The following PAX9 variants were observed in gnomAD, a reference collection of about 807,000 sequenced individuals.
PAX9 encodes the protein paired box 9.
Under a neutral mutation model 29.1 loss-of-function variants are expected in PAX9, and 6 were observed. The observed-to-expected ratio is 0.21, with a 90% CI of 0.11 to 0.41. The LOEUF is 0.41. Ranked by LOEUF, PAX9 falls within the 10% of genes least tolerant of loss-of-function variation. PAX9 has a pLI of 1.00. For synonymous variants in PAX9, 217 were observed against 211.7 expected (o/e 1.03, Z -0.22); for missense variants, 443 against 479.1 (o/e 0.92, Z 0.70).
intron 3 of PAX9, among the ~76,000 whole-genome samples, chr14:36,669,970 G>T (rs17104923): frequency 0.044 from 6,734 of 151,896 alleles, 194 homozygotes; most frequent in African/African-American, 0.077. Context: ...CCTGATGGCC[G>T]GTTCTCTTCT....
chr14:36,679,018 A>G lies in PAX9; in HGVS notation c.*2566A>G, dbSNP rs775337481. 7.8e-4 allele frequency: 769 copies of G among 984,840 alleles called. 2 individuals are homozygous for G. The highest frequency in any genetic ancestry group is 8.6e-4 in the Non-Finnish European group (714 of 829,770). The allele number at this position is 984,840 out of a possible 1,614,324, so 61.0% of individuals were successfully genotyped here. A position where few individuals can be genotyped will look rare whatever the true frequency, so the allele number is the denominator to read the frequency against. On this transcript the variant is annotated 3_prime_UTR_variant, in exon 4 of 4. Transcript: ENST00000361487. ...TAGATGGTAAAAGTGTTGCTTTTAA[A>G]CTGGCAAATGCACTCTTCAGAAATC...
At position 36,672,986 on chromosome 14, in the gene PAX9, C is replaced by T. The variant is rs1342264880; in HGVS notation, c.772-3212C>T. 2.0e-5 allele frequency among the ~76,000 whole-genome samples: 3 copies of T among 148,640 alleles called. No individual in the cohort carries two copies. In the East Asian group the frequency reaches 6.3e-4, roughly 31 times the overall value. Reference sequence around the variant, plus strand: ...GTTCAAGCAATTTTCCTGCCTCAGACTCCCAAGTAGCTGGGATTACAGGCA... The same window carrying T: ...GTTCAAGCAATTTTCCTGCCTCAGATTCCCAAGTAGCTGGGATTACAGGCA... On this transcript the variant is annotated intron_variant, in intron 3 of 3. Coordinates refer to ENST00000361487, the MANE Select transcript of PAX9 (RefSeq NM_001372076.1).
chr14:36,657,792 T>G (rs999769541), upstream of PAX9: 18 of 152,286 alleles, frequency 1.2e-4, no homozygotes, highest in Non-Finnish European at 2.6e-4. Flanking sequence ...GTGGAGAGGC[T>G]GCCGGGCTAT....
chr14:36,667,340 C>A (rs7149262), intron 3 of PAX9, among the ~76,000 whole-genome samples: 23,658 of 151,828 alleles, frequency 0.16, 2,446 homozygotes, highest in East Asian at 0.3. Flanking sequence ...ATTTTCCCCC[C>A]GAGAAAAGCT....
chr14:36,673,052 G>C (rs75657767), intron 3 of PAX9, among the ~76,000 whole-genome samples: 1 of 151,324 alleles, frequency 6.6e-6, no homozygotes. Flanking sequence ...TTTTAGTAGA[G>C]ACGGGGTTTC....
At position 36,678,170 on chromosome 14, in the gene PAX9, G is replaced by A. The variant is rs1049750386; in HGVS notation, c.*1718G>A. 2.4e-6 allele frequency: 1 copy of A among 417,836 alleles called. No homozygotes were observed. The highest frequency in any genetic ancestry group is 2.0e-5 in the African/African-American group (1 of 50,476). 25.9% of individuals were successfully genotyped at this position (417,836 alleles called of 1,614,324 possible). A position where few individuals can be genotyped will look rare whatever the true frequency, so the allele number is the denominator to read the frequency against. ...TGTGCACAGTCTACATGGCAATGCG[G>A]TTCCACCACATCGGTTTCGTGGCTT... On this transcript the variant is annotated 3_prime_UTR_variant, in exon 4 of 4. Transcript: ENST00000361487.
intron 2 of PAX9, 36 bp downstream of exon 2, chr14:36,663,559 C>T (rs1408671566): frequency 4.3e-6 from 7 of 1,611,254 alleles, no homozygotes; most frequent in Non-Finnish European, 5.9e-6. Flanking sequence ...GGATGTGCAG[C>T]GTCTGCCCCC....
In PAX9 at chr14:36,663,398, C is replaced by T. The variant is rs1323425581; in HGVS notation, c.506C>T (p.Ala169Val). ...IYSYPSPITA[A>V]AAKVPTPPGV... is the part of the protein sequence containing the mutation. ...TCGTACCCCAGCCCTATCACGGCGG[C>T]GGCCGCCAAGGTGCCCACGCCACCC... is the stretch of plus-strand genomic sequence containing the variant. Residue 169 changes from alanine to valine, a missense_variant, in exon 2 of 4, where the codon GCG becomes GTG. Physicochemically the swap from Ala to Val is moderately conservative, Grantham distance 64. Transcript: ENST00000361487. The T allele has an allele frequency of 1.9e-6, 3 of 1,613,326 alleles. No homozygotes were observed. Among genetic ancestry groups the T allele is most frequent in the African/African-American group, 1.3e-5 (1 of 75,054 alleles).
chr14:36,657,849 C>A (rs1391759209), upstream of PAX9: 3 of 152,324 alleles, frequency 2.0e-5, no homozygotes, highest in Non-Finnish European at 2.9e-5. Flanking sequence ...CGTGCGCTTG[C>A]GGCTTCTCCT....
intron 3 of PAX9, among the ~76,000 whole-genome samples, chr14:36,667,770 A>G (rs964426371): frequency 6.6e-6 from 1 of 152,226 alleles, no homozygotes; most frequent in East Asian, 1.9e-4. Context: ...GCAAGGAAAG[A>G]GAGCCCTTTT....
In PAX9 at chr14:36,662,736, T is replaced by C; in HGVS notation, c.5-161T>C. The C allele has an allele frequency of 9.7e-6, 8 of 827,588 alleles. No homozygotes were observed. The South Asian group carries it at 1.2e-4, about 13-fold the overall frequency. 51.3% of individuals were successfully genotyped at this position (827,588 alleles called of 1,614,324 possible). A position where few individuals can be genotyped will look rare whatever the true frequency, so the allele number is the denominator to read the frequency against. ...ATTGGACAGTGACGGTTTGGGGCCG[T>C]TCGGCTATGTTCAGGGACCATATGG... is the stretch of plus-strand genomic sequence containing the variant. On this transcript the variant is annotated intron_variant, in intron 1 of 3. Coordinates refer to ENST00000361487, the MANE Select transcript of PAX9 (RefSeq NM_001372076.1).
intron 2 of PAX9, among the ~76,000 whole-genome samples, chr14:36,664,304 C>T (rs1310188167): frequency 6.6e-6 from 1 of 152,236 alleles, no homozygotes; most frequent in Non-Finnish European, 1.5e-5. Context: ...CAATTCCATG[C>T]TGTCCTTTTA....
upstream of PAX9, chr14:36,661,793 C>A: frequency 1.9e-6 from 1 of 515,942 alleles, no homozygotes; most frequent in South Asian, 2.4e-5. Context: ...ATGCAGCTTG[C>A]CCTCGGACCC....
chr14:36,665,070 G>C (rs904839766), intron 2 of PAX9, among the ~76,000 whole-genome samples: 1 of 150,238 alleles, frequency 6.7e-6, no homozygotes, highest in Non-Finnish European at 1.5e-5. Flanking sequence ...TGTCTGGGAA[G>C]GCAAAGACAG....
intron 1 of PAX9, 57 bp from the exon 2 acceptor site, chr14:36,662,840 G>A: frequency 6.4e-7 from 1 of 1,574,426 alleles, no homozygotes; most frequent in African/African-American, 1.3e-5. Context: ...CCCAGTGGCA[G>A]GCAGCTGTCC....
chr14:36,658,268 T>G (rs371779752), upstream of PAX9, among the ~76,000 whole-genome samples: 10 of 151,704 alleles, frequency 6.6e-5, no homozygotes, highest in African/African-American at 2.4e-4. Flanking sequence ...TAGAAGTCAA[T>G]GCACTATGAA....
chr14:36,677,421 TAA>T lies in PAX9; in HGVS notation c.*971_*972del, dbSNP rs1881946875. 3.3e-5 allele frequency: 5 copies of T among 152,154 alleles called. No homozygotes were observed. The highest frequency in any genetic ancestry group is 2.9e-5 in the Non-Finnish European group (2 of 68,028). 9.4% of individuals were successfully genotyped at this position (152,154 alleles called of 1,614,324 possible). On this transcript the variant is annotated 3_prime_UTR_variant, in exon 4 of 4. Transcript: ENST00000361487. Reference sequence around the variant, plus strand: ...TCAAACAACACACATGCTAAGCATATAAAGACAAGAGGGTGGAAAATATCTGA... The same window carrying T: ...TCAAACAACACACATGCTAAGCATATAGACAAGAGGGTGGAAAATATCTGA...
upstream of PAX9, among the ~76,000 whole-genome samples, chr14:36,658,367 CT>C (rs1162216686): frequency 7.0e-6 from 1 of 142,590 alleles, no homozygotes; most frequent in Non-Finnish European, 1.5e-5. Context: ...TCGCCTGGGC[CT>C]CGCTTGGGGG....
intron 3 of PAX9, among the ~76,000 whole-genome samples, chr14:36,671,584 A>G (rs1881694515): frequency 6.6e-6 from 1 of 151,222 alleles, no homozygotes; most frequent in South Asian, 2.1e-4. Flanking sequence ...AAATATACAT[A>G]TGGTTGTGGA....
Sources: allele counts gnomAD v4.1 joint callset (sites outside exome capture counted in the v4.1 genomes callset), GRCh38; gene constraint gnomAD v4.1.1; transcripts MANE v1.5; gene names NCBI Gene and HGNC (gene_info 2026-07-23, HGNC 2026-07-21).